The following SIPA1 variants were observed in gnomAD, a reference collection of about 807,000 sequenced individuals.
SIPA1 encodes signal-induced proliferation-associated protein 1.
A neutral mutation model predicts 88.1 loss-of-function variants in SIPA1; 51 were observed. That is an observed-to-expected ratio of 0.58 (90% CI 0.46 to 0.73). SIPA1 has a LOEUF of 0.73. Ranked by LOEUF, SIPA1 falls within the 30% of genes least tolerant of loss-of-function variation. SIPA1 has a pLI of 0.00. For missense variants in SIPA1, 1,348 were observed against 1,467.6 expected (o/e 0.92, Z 1.33); for synonymous variants, 681 against 664.8 (o/e 1.02, Z -0.37).
chr11:65,641,977 G>A (rs1444891805), intron 2 of SIPA1: 2 of 553,668 alleles, frequency 3.6e-6, no homozygotes, highest in Non-Finnish European at 6.3e-6. Context: ...CCAGGACATA[G>A]AAGGGAGAAT....
intron 14 of SIPA1, 22 bp from the exon 15 acceptor site, chr11:65,650,379 G>A (rs753442915): frequency 6.2e-7 from 1 of 1,613,028 alleles, no homozygotes; most frequent in South Asian, 1.1e-5. Flanking sequence ...GTCCTGCTGA[G>A]TCTTGACCCC....
chr11:65,647,575 C>T lies in SIPA1; in HGVS notation c.2223C>T (p.Pro741=). 1 of 1,344,920 alleles carries T rather than the reference C, an allele frequency of 7.4e-7. No homozygotes were observed. Among genetic ancestry groups the T allele is most frequent in the Non-Finnish European group, 9.5e-7 (1 of 1,050,698 alleles). 83.3% of individuals were successfully genotyped at this position (1,344,920 alleles called of 1,614,324 possible). Residue 741 remains proline, a synonymous_variant, in exon 9 of 16, where the codon CCC becomes CCT. Transcript: ENST00000534313. ...GCCAGACTCTGCCCAGCCTCCGGCC[C>T]GAGGCCGCTGCCCAGCTCCTGCGCT... ...VCGQTLPSLR[P]EAAAQLLRSA...
Position 65,646,792 on chromosome 11 carries a change from C to T in SIPA1, c.1758C>T (p.Arg586=). The T allele has an allele frequency of 7.6e-7, 1 of 1,308,538 alleles. No individual in the cohort carries two copies. 81.1% of individuals were successfully genotyped at this position (1,308,538 alleles called of 1,614,324 possible). The part of the protein sequence containing the change: ...QAAGSLVWGV[R]AAPGARVAAG... Reference sequence around the variant, plus strand: ...CGGGCTCACTGGTGTGGGGAGTGCGCGCGGCGCCCGGGGCGCGGGTCGCCG... The same window carrying T: ...CGGGCTCACTGGTGTGGGGAGTGCGTGCGGCGCCCGGGGCGCGGGTCGCCG... The change falls in exon 8 of 16, where the codon CGC becomes CGT. Residue 586 remains arginine (R), a synonymous_variant. Transcript: ENST00000534313. The surrounding 1 kb of genome is among the most constrained non-coding windows in gnomAD (Gnocchi z 7.5).
rs772609543 is a variant in SIPA1, at chr11:65,645,061, T to TCA, written c.1093_1094dup (p.Leu366ProfsTer19). The TCA allele has an allele frequency of 6.2e-7, 1 of 1,614,036 alleles. No homozygotes were observed. Among genetic ancestry groups the TCA allele is most frequent in the Non-Finnish European group, 8.5e-7 (1 of 1,179,944 alleles). ...GCGGGACCGGCCTTCATGCAGTTTC[T>TCA]CACCTTGCTGGGCGATGTGGTGCGG... is the stretch of plus-strand genomic sequence containing the variant. On this transcript the variant is annotated frameshift_variant, in exon 5 of 16. Transcript: ENST00000534313. LOFTEE classifies it high-confidence loss of function.
intron 9 of SIPA1, 53 bp from the exon 10 acceptor site, chr11:65,649,209 T>C: frequency 1.5e-6 from 2 of 1,315,162 alleles, no homozygotes; most frequent in Non-Finnish European, 2.1e-6. Context: ...GGGCTAGTGA[T>C]GCAGGACGCT....
chr11:65,649,731 A>T, intron 11 of SIPA1, 26 bp from the exon 12 acceptor site: 1 of 1,613,980 alleles, frequency 6.2e-7, no homozygotes, highest in Non-Finnish European at 8.5e-7. Context: ...GGCATCACTG[A>T]ATCTGTATCC....
Position 65,647,493 on chromosome 11 carries a change from T to A in SIPA1, c.2141T>A (p.Phe714Tyr). The A allele has an allele frequency of 7.0e-7, 1 of 1,436,378 alleles. No homozygotes were observed. The highest frequency in any genetic ancestry group is 9.1e-7 in the Non-Finnish European group (1 of 1,101,346). 89.0% of individuals were successfully genotyped at this position (1,436,378 alleles called of 1,614,324 possible). A position where few individuals can be genotyped will look rare whatever the true frequency, so the allele number is the denominator to read the frequency against. ...GGATTCGTCACGCACGTGGAGCGCT[T>A]CACATTCGCCGAGACGGCGGGGCTG... Reference protein sequence around the residue: ...AEGFVTHVERFTFAETAGLRP... With the variant: ...AEGFVTHVERYTFAETAGLRP... The change falls in exon 9 of 16, where the codon TTC becomes TAC. Residue 714 changes from phenylalanine (F) to tyrosine (Y), a missense_variant. Phe to Tyr is a conservative substitution (Grantham distance 22). Coordinates refer to ENST00000534313, the MANE Select transcript of SIPA1 (RefSeq NM_006747.4).
rs1856202389 is a variant in SIPA1 at position 65,649,257 on chromosome 11, C to A, written c.2307-5C>A. On this transcript the variant is annotated splice_region_variant and splice_polypyrimidine_tract_variant and intron_variant, in intron 9 of 15. Coordinates refer to ENST00000534313, the MANE Select transcript of SIPA1 (RefSeq NM_006747.4). The stretch of plus-strand genomic sequence containing the variant: ...AGTCCTGCCTGACCCTGTCCCACCC[C>A]ACAGGAGTTTTTCGGAGCTGTACAC... 2 of 1,512,506 alleles carry A rather than the reference C, an allele frequency of 1.3e-6. No individual in the cohort carries two copies. Among genetic ancestry groups the A allele is most frequent in the African/African-American group, 1.4e-5 (1 of 72,496 alleles). The allele number at this position is 1,512,506 out of a possible 1,614,324, so 93.7% of individuals were successfully genotyped here.
chr11:65,642,375 C>T lies in SIPA1; in HGVS notation c.805C>T (p.Gln269Ter). ...CTACCGCGTCATCGTGCGGACCACG[C>T]AGGTGGGCCGGGATCGCGGGATCAG... ...HSYRVIVRTTQLRTLRGTISE... is the reference protein window; with the variant it reads ...HSYRVIVRTT The change falls in exon 3 of 16, where the codon CAG (glutamine) becomes TAG (stop). Residue 269 changes from glutamine (Q) to a stop codon, truncating the protein, a stop_gained and splice_region_variant. Transcript: ENST00000534313. LOFTEE classifies it high-confidence loss of function. The surrounding 1 kb of genome is among the most constrained non-coding windows in gnomAD (Gnocchi z 6.5). 6.3e-7 allele frequency: 1 copy of T among 1,583,040 alleles called. No homozygotes were observed. Among genetic ancestry groups the T allele is most frequent in the Non-Finnish European group, 8.6e-7 (1 of 1,163,720 alleles).
chr11:65,644,889 C>A, intron 4 of SIPA1, 66 bp from the exon 5 acceptor site: 1 of 1,512,638 alleles, frequency 6.6e-7, no homozygotes. Flanking sequence ...CCCATCCATT[C>A]CCTAAGAGCT....
intron 1 of SIPA1, among the ~76,000 whole-genome samples, chr11:65,638,824 C>CCA (rs1373418569): frequency 6.6e-6 from 1 of 152,218 alleles, no homozygotes; most frequent in Admixed American, 6.5e-5. Flanking sequence ...TGGCACTGGG[C>CCA]CACAGCAAGA....
In SIPA1 at chr11:65,642,047, T is replaced by A; in HGVS notation, c.680-203T>A. The A allele has an allele frequency of 1.4e-6, 1 of 700,062 alleles. No homozygotes were observed. The highest frequency in any genetic ancestry group is 2.3e-6 in the Non-Finnish European group (1 of 436,700). 43.4% of individuals were successfully genotyped at this position (700,062 alleles called of 1,614,324 possible). Reference sequence around the variant, plus strand: ...GGCCTGGGAGCTGGCCGCGTGGGTCTAGGTCTGGGTCTGGGTCCACCTCTG... The same window carrying A: ...GGCCTGGGAGCTGGCCGCGTGGGTCAAGGTCTGGGTCTGGGTCCACCTCTG... On this transcript the variant is annotated intron_variant, in intron 2 of 15. Transcript: ENST00000534313. This position sits in a 1 kb window ranked among gnomAD's most constrained non-coding sequence, Gnocchi z 6.5.
In SIPA1 at chr11:65,647,409, G is replaced by T; in HGVS notation, c.2057G>T (p.Arg686Leu). 1 of 1,464,786 alleles carries T rather than the reference G, an allele frequency of 6.8e-7. No individual in the cohort carries two copies. The highest frequency in any genetic ancestry group is 9.0e-7 in the Non-Finnish European group (1 of 1,115,826). The allele number at this position is 1,464,786 out of a possible 1,614,324, so 90.7% of individuals were successfully genotyped here. A position where few individuals can be genotyped will look rare whatever the true frequency, so the allele number is the denominator to read the frequency against. Residue 686 changes from arginine (R) to leucine (L), a missense_variant, in exon 9 of 16, where the codon CGC becomes CTC. Arg to Leu is a moderately radical substitution (Grantham distance 102). Coordinates refer to ENST00000534313, the MANE Select transcript of SIPA1 (RefSeq NM_006747.4). ...LQLVSRGCET[R>L]ELALPRDGQG... ...CTGGTGAGCCGTGGCTGCGAGACCC[G>T]CGAGCTGGCGCTGCCCCGCGACGGT...
chr11:65,650,626 C>A lies in SIPA1; in HGVS notation c.3040C>A (p.Arg1014=). The change falls in exon 16 of 16, where the codon CGG becomes AGG. Residue 1014 remains arginine (R), a synonymous_variant. Coordinates refer to ENST00000534313, the MANE Select transcript of SIPA1 (RefSeq NM_006747.4). ...EEVRSLRHNN[R]RLQAESESAA... is the part of the protein sequence containing the mutation. ...GGTGCGGAGCCTGAGACACAACAAC[C>A]GGCGGCTGCAGGCGGAGTCTGAGAG... is the stretch of plus-strand genomic sequence containing the variant. The A allele has an allele frequency of 6.3e-7, 1 of 1,576,902 alleles. No individual in the cohort carries two copies. Among genetic ancestry groups the A allele is most frequent in the Non-Finnish European group, 8.6e-7 (1 of 1,161,140 alleles).
Position 65,649,984 on chromosome 11 carries a change from C to G in SIPA1, c.2781C>G (p.Asp927Glu), listed in dbSNP as rs753174536. Reference sequence around the variant, plus strand: ...AGGCGGGCAGTGGGACCCTGGAGGACGAGTGGCAGGCCATCTCGGAGATTG... The same window carrying G: ...AGGCGGGCAGTGGGACCCTGGAGGAGGAGTGGCAGGCCATCTCGGAGATTG... ...MSEAGSGTLE[D>E]EWQAISEIAS... The change falls in exon 13 of 16, where the codon GAC (aspartate) becomes GAG (glutamate). Residue 927 changes from aspartate (D) to glutamate (E), a missense_variant. Around this residue, in one of 4 missense-constraint regions of SIPA1, gnomAD observed 615 missense variants for 559.8 expected, o/e 1.10. Transcript: ENST00000534313. 1 of 1,613,892 alleles carries G rather than the reference C, an allele frequency of 6.2e-7. No homozygotes were observed. The highest frequency in any genetic ancestry group is 1.1e-5 in the South Asian group (1 of 91,044).
chr11:65,650,203 C>T lies in SIPA1; in HGVS notation c.2903+11C>T, dbSNP rs1429674106. 2 of 1,613,656 alleles carry T rather than the reference C, an allele frequency of 1.2e-6. No homozygotes were observed. Among genetic ancestry groups the T allele is most frequent in the South Asian group, 2.2e-5 (2 of 91,074 alleles). On this transcript the variant is annotated intron_variant, in intron 14 of 15. Transcript: ENST00000534313. ...AAAATCTGATGCTGAGTAAGCTCCC[C>T]AACTCCCCACAGCCGCTTTACCTGC...
Position 65,646,726 on chromosome 11 carries a change from C to A in SIPA1, c.1692C>A (p.Arg564=), listed in dbSNP as rs779270338. ...RFGLPSLGGR[R]RAAPRGPGAE... ...GCCTGCCCTCCCTGGGTGGGAGGCG[C>A]CGGGCGGCCCCTCGGGGCCCAGGCG... Residue 564 remains arginine, a synonymous_variant, in exon 8 of 16, where the codon CGC becomes CGA. Coordinates refer to ENST00000534313, the MANE Select transcript of SIPA1 (RefSeq NM_006747.4). The surrounding 1 kb of genome is among the most constrained non-coding windows in gnomAD (Gnocchi z 7.5). 6 of 1,531,772 alleles carry A rather than the reference C, an allele frequency of 3.9e-6. No individual in the cohort carries two copies. The African/African-American group carries it at 8.3e-5, about 21-fold the overall frequency. The allele number at this position is 1,531,772 out of a possible 1,614,324, so 94.9% of individuals were successfully genotyped here.
intron 1 of SIPA1, among the ~76,000 whole-genome samples, chr11:65,640,464 C>T (rs1855978603): frequency 6.6e-6 from 1 of 152,206 alleles, no homozygotes; most frequent in Non-Finnish European, 1.5e-5. Context: ...CTGGGTTTCC[C>T]GTCCCAGCCA....
chr11:65,638,129 G>GCGGTAGCGGGAT lies in SIPA1; in HGVS notation c.-145_-144insCGGTAGCGGGAT, dbSNP rs1565177335. ...GCCGGCGCCGGGAGCGGTAGCGGGA[G>GCGGTAGCGGGAT]AGCGGCAGCGGGACCCCAGCGCGGG... On this transcript the variant is annotated 5_prime_UTR_variant, in exon 1 of 16. Transcript: ENST00000534313. 1 of 152,212 alleles carries GCGGTAGCGGGAT rather than the reference G, an allele frequency of 6.6e-6. No homozygotes were observed. 9.4% of individuals were successfully genotyped at this position (152,212 alleles called of 1,614,324 possible). A position where few individuals can be genotyped will look rare whatever the true frequency, so the allele number is the denominator to read the frequency against.
Sources: gnomAD v4.1 joint callset for allele counts (sites outside exome capture counted in the v4.1 genomes callset) on GRCh38, gnomAD v4.1.1 for gene constraint, gnomAD v4.1.1 regional missense constraint, Gnocchi (gnomAD v3.1) non-coding constraint, MANE v1.5 for transcripts, NCBI Gene and HGNC (gene_info 2026-07-23, HGNC 2026-07-21) for gene names.